MBNL1: variants seen among roughly 807,000 people sequenced by gnomAD.
MBNL1 encodes the protein muscleblind-like protein 1.
Under a neutral mutation model 42.2 loss-of-function variants are expected in MBNL1, and 8 were observed. The ratio of observed to expected loss-of-function variants is 0.19; its 90% CI spans 0.11 to 0.34. The LOEUF (loss-of-function observed/expected upper bound fraction) is 0.34, where lower values mean the gene tolerates loss of function less well. Ranked by LOEUF, MBNL1 falls within the 10% of genes least tolerant of loss-of-function variation. The pLI is 1.00. For synonymous variants in MBNL1, 169 were observed against 173.9 expected (o/e 0.97, Z 0.22); for missense variants, 309 against 495.3 (o/e 0.62, Z 3.57).
intron 2 of MBNL1, among the ~76,000 whole-genome samples, chr3:152,366,216 C>T (rs887291222): frequency 1.3e-5 from 2 of 152,126 alleles, no homozygotes; most frequent in Non-Finnish European, 2.9e-5. Context: ...GTTGTTTGAA[C>T]ATTGAGTAAC....
chr3:152,285,070 A>T (rs1378901707), intron 1 of MBNL1, among the ~76,000 whole-genome samples: 1 of 152,176 alleles, frequency 6.6e-6, no homozygotes, highest in African/African-American at 2.4e-5. Context: ...GAGCAATAGC[A>T]TCCGTTCTCA....
intron 4 of MBNL1, among the ~76,000 whole-genome samples, chr3:152,442,638 TAGTCTAAAGTGTCCTTG>T (rs11273574): frequency 0.019 from 2,883 of 152,318 alleles, 99 homozygotes; most frequent in African/African-American, 0.066. Flanking sequence ...GGTATCAGCA[TAGTCTAAAGTGTCCTTG>T]AGTTTATCAG....
chr3:152,366,195 G>A (rs534817002), intron 2 of MBNL1, among the ~76,000 whole-genome samples: 2 of 152,176 alleles, frequency 1.3e-5, no homozygotes, highest in East Asian at 1.9e-4. Context: ...ATCATAGCCC[G>A]AGGGTTTGTT....
At chr3:152,300,887 G>A (rs2060461791) in intron 2 of MBNL1, 1 of 965,860 alleles carries the variant, frequency 1.0e-6, no homozygotes, top group African/African-American at 1.8e-5. Context: ...TCAGGCCAGA[G>A]CCACGCATTT....
At chr3:152,274,380 C>T (rs567000276) in intron 1 of MBNL1, among the ~76,000 whole-genome samples, 1 of 152,006 alleles carries the variant, frequency 6.6e-6, no homozygotes, top group South Asian at 2.1e-4. Context: ...TATACGTTGT[C>T]CTCAAAAAAA....
chr3:152,279,333 A>C (rs1273699986), intron 1 of MBNL1, among the ~76,000 whole-genome samples: 1 of 152,130 alleles, frequency 6.6e-6, no homozygotes, highest in Non-Finnish European at 1.5e-5. Context: ...CGAACTGAAC[A>C]GAAGCCAGGT....
intron 2 of MBNL1, among the ~76,000 whole-genome samples, chr3:152,409,785 C>T (rs1214252513): frequency 6.6e-6 from 1 of 152,104 alleles, no homozygotes; most frequent in Non-Finnish European, 1.5e-5. Flanking sequence ...ACATAGTTAC[C>T]ATTTGGCTGC....
intron 3 of MBNL1, among the ~76,000 whole-genome samples, chr3:152,431,085 C>G (rs1221193115): frequency 1.3e-5 from 2 of 152,138 alleles, no homozygotes; most frequent in African/African-American, 4.8e-5. Flanking sequence ...GTTTCCCAAG[C>G]AATTTTTGAG....
chr3:152,430,933 T>C lies in MBNL1; in HGVS notation c.346-1784T>C, dbSNP rs182903067. Among the ~76,000 whole-genome samples the C allele has an allele frequency of 3.3e-5, 5 of 152,382 alleles. No individual in the cohort carries two copies. In the East Asian group the frequency reaches 9.6e-4, roughly 29 times the overall value. ...GCTAAACATGGCATTCAAACCAACA[T>C]GTTCAGAGGCATAATTATTTTAAGT... On this transcript the variant is annotated intron_variant, in intron 3 of 9. Transcript: ENST00000324210.
intron 2 of MBNL1, among the ~76,000 whole-genome samples, chr3:152,352,979 A>G: frequency 6.6e-6 from 1 of 152,232 alleles, no homozygotes; most frequent in East Asian, 1.9e-4. Flanking sequence ...GTTTAAGTCT[A>G]TTTTATGATG....
intron 3 of MBNL1, among the ~76,000 whole-genome samples, chr3:152,418,996 G>A (rs1284267100): frequency 6.6e-6 from 1 of 152,072 alleles, no homozygotes; most frequent in Non-Finnish European, 1.5e-5. Context: ...GATTACAGGC[G>A]TGAGCCATCA....
chr3:152,273,411 GT>G (rs935134646), intron 1 of MBNL1, among the ~76,000 whole-genome samples: 3 of 152,028 alleles, frequency 2.0e-5, no homozygotes, highest in East Asian at 3.8e-4. Flanking sequence ...CATATTACCA[GT>G]TTTTTTCATA....
chr3:152,371,157 A>T (rs1189948950), intron 2 of MBNL1, among the ~76,000 whole-genome samples: 1 of 152,098 alleles, frequency 6.6e-6, no homozygotes, highest in Non-Finnish European at 1.5e-5. Context: ...TTTTGTATTT[A>T]GTGCTTCCTT....
intron 2 of MBNL1, among the ~76,000 whole-genome samples, chr3:152,327,299 G>T (rs917367972): frequency 6.6e-6 from 1 of 151,682 alleles, no homozygotes; most frequent in Non-Finnish European, 1.5e-5. Flanking sequence ...ATCAAGCTCT[G>T]TGCTAGTCCC....
intron 2 of MBNL1, among the ~76,000 whole-genome samples, chr3:152,372,458 G>C (rs2096709481): frequency 6.6e-6 from 1 of 152,096 alleles, no homozygotes; most frequent in South Asian, 2.1e-4. Context: ...CTTTGATGTT[G>C]GTGACCTTTG....
At chr3:152,362,440 ACAGT>A (rs1362637338) in intron 2 of MBNL1, among the ~76,000 whole-genome samples, 1 of 152,188 alleles carries the variant, frequency 6.6e-6, no homozygotes, top group Non-Finnish European at 1.5e-5. Flanking sequence ...TTACACTCCT[ACAGT>A]CAGATAGCAT....
At chr3:152,366,967 G>A (rs960816316) in intron 2 of MBNL1, among the ~76,000 whole-genome samples, 2 of 152,012 alleles carry the variant, frequency 1.3e-5, no homozygotes, top group African/African-American at 4.8e-5. Context: ...TGTGATTGAG[G>A]ATGTATTATA....
intron 1 of MBNL1, chr3:152,269,519 G>T (rs1274197637): frequency 4.4e-6 from 2 of 455,442 alleles, no homozygotes; most frequent in East Asian, 7.0e-5. Flanking sequence ...CCTGGCCCCG[G>T]GGCTGCCATC....
intron 2 of MBNL1, among the ~76,000 whole-genome samples, chr3:152,403,154 C>A (rs529226555): frequency 1.3e-5 from 2 of 151,860 alleles, no homozygotes; most frequent in Non-Finnish European, 2.9e-5. Context: ...AAAAAAAAAT[C>A]GTGTGACAAC....
Sources: gnomAD v4.1 joint callset for allele counts (sites outside exome capture counted in the v4.1 genomes callset) on GRCh38, gnomAD v4.1.1 for gene constraint, MANE v1.5 for transcripts, NCBI Gene and HGNC (gene_info 2026-07-23, HGNC 2026-07-21) for gene names.